CDH23: variants seen among roughly 807,000 people sequenced by gnomAD.
CDH23 encodes cadherin related 23, also known as cadherin-23.
CDH23 carries 189 observed loss-of-function variants against 317.1 expected under a neutral mutation model. The observed-to-expected ratio is 0.60, with a 90% confidence interval of 0.53 to 0.67. CDH23 has a LOEUF of 0.67. Among genes scored for constraint, CDH23 ranks in the 30% least tolerant of loss-of-function variants. CDH23 has a pLI of 0.00. For synonymous variants in CDH23, 1,839 were observed against 1,876.8 expected (o/e 0.98, Z 0.52); for missense variants, 4,401 against 4,592.4 (o/e 0.96, Z 1.20).
intron 14 of CDH23, among the ~76,000 whole-genome samples, chr10:71,667,838 G>C (rs1206924483): frequency 6.6e-6 from 1 of 152,140 alleles, no homozygotes; most frequent in Non-Finnish European, 1.5e-5. Context: ...CTGAGCACCA[G>C]AGGGCCGGGA....
At chr10:71,804,335 C>T (rs1355499626) in intron 55 of CDH23, among the ~76,000 whole-genome samples, 2 of 152,176 alleles carry the variant, frequency 1.3e-5, no homozygotes, top group African/African-American at 2.4e-5. Context: ...CCAGGTCTTC[C>T]ACTTCTCGGT....
intron 3 of CDH23, among the ~76,000 whole-genome samples, chr10:71,460,972 C>A (rs1316844905): frequency 6.6e-6 from 1 of 152,206 alleles, no homozygotes; most frequent in Non-Finnish European, 1.5e-5. Context: ...CTGCATATTC[C>A]TTGGGATATC....
chr10:71,473,671 T>C (rs2132094540), intron 3 of CDH23, among the ~76,000 whole-genome samples: 1 of 152,342 alleles, frequency 6.6e-6, no homozygotes, highest in African/African-American at 2.4e-5. Context: ...GATCATCAAA[T>C]ACATGTGAAA....
intron 60 of CDH23, among the ~76,000 whole-genome samples, chr10:71,808,307 CA>C (rs1841804460): frequency 6.6e-6 from 1 of 152,180 alleles, no homozygotes. Flanking sequence ...TCTATCCTTC[CA>C]TCCATCTGTC....
chr10:71,524,708 A>G (rs1443764277), intron 6 of CDH23, among the ~76,000 whole-genome samples: 1 of 152,158 alleles, frequency 6.6e-6, no homozygotes, highest in Non-Finnish European at 1.5e-5. Context: ...AGCAGGTAGG[A>G]GGGTCAGAGG....
chr10:71,753,116 C>T, intron 38 of CDH23: 1 of 1,260,258 alleles, frequency 7.9e-7, no homozygotes, highest in Non-Finnish European at 1.1e-6. Context: ...CAGGAGGGCC[C>T]TGCACAGCTC....
chr10:71,763,300 G>A (rs934227145), intron 38 of CDH23, among the ~76,000 whole-genome samples: 1 of 152,298 alleles, frequency 6.6e-6, no homozygotes, highest in Middle Eastern at 3.4e-3. Flanking sequence ...GACCCACTAC[G>A]CCCGGCCAGT....
intron 38 of CDH23, chr10:71,748,490 C>T (rs1289688794): frequency 6.6e-6 from 1 of 152,304 alleles, no homozygotes; most frequent in South Asian, 2.1e-4. Context: ...AATTCCATTC[C>T]TTCAGCCTCT....
Position 71,556,738 on chromosome 10 carries a change from C to A in CDH23, c.430-10004C>A, listed in dbSNP as rs572842985. Among the ~76,000 whole-genome samples the A allele has an allele frequency of 2.0e-5, 3 of 152,304 alleles. No homozygotes were observed. The South Asian group carries it at 6.2e-4, about 32-fold the overall frequency. The stretch of plus-strand genomic sequence containing the variant: ...AGTACAGCTCAGCTTATAATAAAAG[C>A]AGCAGACCCTGATTCATTCTTTACC... On this transcript the variant is annotated intron_variant, in intron 6 of 69. Transcript: ENST00000224721.
intron 9 of CDH23, among the ~76,000 whole-genome samples, chr10:71,610,935 C>T (rs1212746827): frequency 2.8e-5 from 4 of 145,052 alleles, no homozygotes; most frequent in African/African-American, 7.5e-5. Flanking sequence ...CACCCCAAAA[C>T]CCCTCCCCTA....
At chr10:71,424,713 T>G in intron 1 of CDH23, among the ~76,000 whole-genome samples, 1 of 152,208 alleles carries the variant, frequency 6.6e-6, no homozygotes. Context: ...GTGCACCTAC[T>G]GTCCGCCAGG....
chr10:71,739,312 G>A (rs1020104078), intron 35 of CDH23, among the ~76,000 whole-genome samples: 1 of 152,112 alleles, frequency 6.6e-6, no homozygotes, highest in Non-Finnish European at 1.5e-5. Context: ...TCCAGGTAAT[G>A]CCGCAGCGTG....
chr10:71,701,545 A>C (rs1865584612), intron 22 of CDH23, among the ~76,000 whole-genome samples: 1 of 151,980 alleles, frequency 6.6e-6, no homozygotes, highest in Admixed American at 6.5e-5. Flanking sequence ...CCTGCCCCTT[A>C]TCAGGGACCA....
chr10:71,625,255 A>G (rs900476795), intron 11 of CDH23, among the ~76,000 whole-genome samples: 43 of 151,750 alleles, frequency 2.8e-4, no homozygotes, highest in African/African-American at 9.9e-4. Flanking sequence ...CCTGCACTGC[A>G]GAGTGAACGG....
chr10:71,611,157 A>G (rs1564686553), intron 9 of CDH23, among the ~76,000 whole-genome samples: 1 of 151,234 alleles, frequency 6.6e-6, no homozygotes, highest in Admixed American at 6.6e-5. Flanking sequence ...GAGCAGAGAA[A>G]CTTGCATGTG....
Position 71,810,476 on chromosome 10 carries a change from A to G in CDH23, c.8984A>G (p.His2995Arg). ...ACAATACCCCTTCTCATCTAGTTCC[A>G]TGTGGACAAGAAGGGCCGGGTGAAC... ...AIVNTDNVQF[H>R]VDKKGRVNFA... Residue 2995 changes from histidine to arginine, a missense_variant, in exon 62 of 70, where the codon CAT becomes CGT. Around this residue, in one of 3 missense-constraint regions of CDH23, gnomAD observed 1,144 missense variants for 1,138.2 expected, o/e 1.01. Coordinates refer to ENST00000224721, the MANE Select transcript of CDH23 (RefSeq NM_022124.6). 3.7e-6 allele frequency: 6 copies of G among 1,613,872 alleles called. No individual in the cohort carries two copies. Among genetic ancestry groups the G allele is most frequent in the Non-Finnish European group, 5.1e-6 (6 of 1,179,832 alleles).
At chr10:71,769,283 G>A (rs2132907480) in intron 38 of CDH23, among the ~76,000 whole-genome samples, 1 of 151,910 alleles carries the variant, frequency 6.6e-6, no homozygotes, top group Non-Finnish European at 1.5e-5. Context: ...TTTTGCAAGG[G>A]AAAGCAGCAG....
At position 71,811,567 on chromosome 10, in the gene CDH23, C is replaced by T. The variant is rs926681550; in HGVS notation, c.9255C>T (p.Leu3085=). The part of the protein sequence containing the change: ...LLFLAAMLFV[L]MNWYYRTVHK... The stretch of plus-strand genomic sequence containing the variant: ...TCCTGGCCGCCATGCTCTTTGTCCT[C>T]ATGAACTGGTACTACAGGACTGTGT... The change falls in exon 64 of 70, where the codon CTC becomes CTT. Residue 3085 remains leucine (L), a synonymous_variant. Transcript: ENST00000224721. The T allele has an allele frequency of 6.2e-7, 1 of 1,613,960 alleles. No homozygotes were observed. Among genetic ancestry groups the T allele is most frequent in the South Asian group, 1.1e-5 (1 of 91,078 alleles).
intron 35 of CDH23, 52 bp downstream of exon 35, chr10:71,738,699 C>T: frequency 1.3e-6 from 2 of 1,584,224 alleles, no homozygotes; most frequent in East Asian, 2.3e-5. Context: ...GGGGCTCCCA[C>T]AGCTCTCACA....
Sources: gnomAD v4.1 joint callset for allele counts (sites outside exome capture counted in the v4.1 genomes callset) on GRCh38, gnomAD v4.1.1 for gene constraint, gnomAD v4.1.1 regional missense constraint, MANE v1.5 for transcripts, NCBI Gene and HGNC (gene_info 2026-07-23, HGNC 2026-07-21) for gene names.